PCDHGA1: variants seen among roughly 807,000 people sequenced by gnomAD.
PCDHGA1 encodes protocadherin gamma subfamily A, 1, also known as protocadherin gamma-A1.
PCDHGA1 carries 32 observed loss-of-function variants against 58.0 expected under a neutral mutation model. The observed-to-expected ratio is 0.55, with a 90% confidence interval of 0.42 to 0.74. The LOEUF is 0.74. Ranked by LOEUF, PCDHGA1 falls within the 30% of genes least tolerant of loss-of-function variation. The pLI is 0.00. For missense variants in PCDHGA1, 1,205 were observed against 1,182.3 expected, an observed-to-expected ratio of 1.02 and a Z score of -0.28; for synonymous variants, 498 against 501.1, an observed-to-expected ratio of 0.99 and a Z score of 0.08.
At chr5:141,418,065 G>T in intron 1 of PCDHGA1, 1 of 1,614,064 alleles carries the variant, frequency 6.2e-7, no homozygotes, top group East Asian at 2.2e-5. Context: ...CTGCGAGTGA[G>T]CGCGGAGAAG....
chr5:141,435,910 G>T (rs1296707748), intron 1 of PCDHGA1, among the ~76,000 whole-genome samples: 2 of 152,112 alleles, frequency 1.3e-5, no homozygotes, highest in Non-Finnish European at 2.9e-5. Flanking sequence ...ACATCCAAGG[G>T]CTCTAAAATG....
At chr5:141,372,123 A>G (rs1435565099) in intron 1 of PCDHGA1, 3 of 1,613,632 alleles carry the variant, frequency 1.9e-6, no homozygotes, top group Non-Finnish European at 2.5e-6. Context: ...GCTCTTCGAT[A>G]TGGTGCCGCG....
intron 1 of PCDHGA1, chr5:141,375,494 A>G (rs531964516): frequency 6.2e-7 from 1 of 1,613,834 alleles, no homozygotes; most frequent in Non-Finnish European, 8.5e-7. Flanking sequence ...GGGTGCCTCC[A>G]TCTTCTCTGT....
chr5:141,511,823 G>A lies in PCDHGA1; in HGVS notation c.*650G>A, dbSNP rs1490513046. On this transcript the variant is annotated 3_prime_UTR_variant, in exon 4 of 4. Transcript: ENST00000517417. ...TTTTGCTACCAAGCCTCTTCCCAACGCCCTGGGGACCAGTCTTCTGTTTTG... is the reference window on the plus strand; with the variant it reads ...TTTTGCTACCAAGCCTCTTCCCAACACCCTGGGGACCAGTCTTCTGTTTTG... 4 of 156,728 alleles carry A rather than the reference G, an allele frequency of 2.6e-5. No homozygotes were observed. The highest frequency in any genetic ancestry group is 3.2e-3 in the Middle Eastern group (1 of 316). 9.7% of individuals were successfully genotyped at this position (156,728 alleles called of 1,614,324 possible). A position where few individuals can be genotyped will look rare whatever the true frequency, so the allele number is the denominator to read the frequency against.
At chr5:141,344,795 C>T (rs200798114) in intron 1 of PCDHGA1, 27 of 1,613,818 alleles carry the variant, frequency 1.7e-5, no homozygotes, top group Non-Finnish European at 2.3e-5. Context: ...TTTGGGAGAA[C>T]GTGCCTGTGG....
intron 1 of PCDHGA1, chr5:141,433,096 C>G: frequency 3.1e-6 from 5 of 1,614,118 alleles, no homozygotes; most frequent in Non-Finnish European, 4.2e-6. Flanking sequence ...CAGACATGCT[C>G]GTCAGCCAGG....
intron 1 of PCDHGA1, chr5:141,399,025 CAAAAG>C (rs750003738): frequency 6.8e-6 from 11 of 1,613,846 alleles, no homozygotes; most frequent in Admixed American, 5.0e-5. Context: ...AATTACCACT[CAAAAG>C]AAACTGGATT....
intron 1 of PCDHGA1, chr5:141,351,857 C>T (rs763835964): frequency 1.2e-6 from 2 of 1,613,232 alleles, no homozygotes; most frequent in Non-Finnish European, 1.7e-6. Flanking sequence ...GGCCAGGGAC[C>T]AGGGCTCCCC....
At chr5:141,365,275 C>T in intron 1 of PCDHGA1, 1 of 1,613,980 alleles carries the variant, frequency 6.2e-7, no homozygotes, top group Non-Finnish European at 8.5e-7. Flanking sequence ...CCAGATTCTA[C>T]CTCATGGAAG....
intron 1 of PCDHGA1, chr5:141,375,958 G>A (rs1002329693): frequency 7.4e-6 from 12 of 1,613,460 alleles, no homozygotes; most frequent in Non-Finnish European, 1.0e-5. Context: ...ACACGGGCGA[G>A]GTGCGCACGG....
intron 1 of PCDHGA1, chr5:141,430,865 C>G: frequency 6.3e-7 from 1 of 1,595,350 alleles, no homozygotes; most frequent in Non-Finnish European, 8.5e-7. Flanking sequence ...CTATTCAGTT[C>G]CGGAAGAGCT....
chr5:141,410,252 C>A, intron 1 of PCDHGA1: 2 of 1,613,998 alleles, frequency 1.2e-6, no homozygotes. Context: ...ACTCTCTGAC[C>A]CCCAGGCTGA....
rs534823543 is a variant in PCDHGA1, at chr5:141,383,535, C to T, written c.2421+50430C>T. ...AAGAGCGGGTTCACCACCTGGTCCT[C>T]ACAGCCTCTGATGGCGGCGACCCGC... On this transcript the variant is annotated intron_variant, in intron 1 of 3. Transcript: ENST00000517417. The T allele has an allele frequency of 1.9e-5, 31 of 1,612,472 alleles. No individual in the cohort carries two copies. The African/African-American group carries it at 3.7e-4, about 19-fold the overall frequency.
intron 1 of PCDHGA1, among the ~76,000 whole-genome samples, chr5:141,482,857 A>T (rs2099573663): frequency 6.6e-6 from 1 of 152,140 alleles, no homozygotes; most frequent in Admixed American, 6.5e-5. Flanking sequence ...AGATCACTTG[A>T]GGTCAGGAGT....
chr5:141,353,397 A>G (rs1759270866), intron 1 of PCDHGA1, among the ~76,000 whole-genome samples: 1 of 152,212 alleles, frequency 6.6e-6, no homozygotes, highest in South Asian at 2.1e-4. Flanking sequence ...TATGTAATTA[A>G]TGTAATCTTC....
chr5:141,470,652 C>T (rs923672818), intron 1 of PCDHGA1, among the ~76,000 whole-genome samples: 1 of 152,100 alleles, frequency 6.6e-6, no homozygotes, highest in African/African-American at 2.4e-5. Context: ...AAGGCCCCTA[C>T]CCTTTGGTTA....
At chr5:141,398,177 T>C (rs2093620975) in intron 1 of PCDHGA1, 11 of 1,473,994 alleles carry the variant, frequency 7.5e-6, no homozygotes, top group African/African-American at 2.9e-5. Context: ...CTGCCAGTGC[T>C]CTTTCTCTTC....
rs1342481070 is a variant in PCDHGA1 at position 141,485,056 on chromosome 5, C to T, written c.2422-9751C>T. 8 of 840,338 alleles carry T rather than the reference C, an allele frequency of 9.5e-6. No homozygotes were observed. The Admixed American group carries it at 1.9e-4, about 20-fold the overall frequency. 52.1% of individuals were successfully genotyped at this position (840,338 alleles called of 1,614,324 possible). A position where few individuals can be genotyped will look rare whatever the true frequency, so the allele number is the denominator to read the frequency against. The stretch of plus-strand genomic sequence containing the variant: ...CGTAACCCTTGCGGCGCCGGCCGAA[C>T]CGCGCCAGAGCTGGCGCGGGGAAAG... On this transcript the variant is annotated intron_variant, in intron 1 of 3. Transcript: ENST00000517417. The surrounding 1 kb of genome is among the most constrained non-coding windows in gnomAD (Gnocchi z 5.7).
chr5:141,478,414 C>T, intron 1 of PCDHGA1: 1 of 1,613,630 alleles, frequency 6.2e-7, no homozygotes, highest in Non-Finnish European at 8.5e-7. Context: ...CCACGGACTC[C>T]CGCCGCAGCG....
Sources: gnomAD v4.1 joint callset for allele counts (sites outside exome capture counted in the v4.1 genomes callset) on GRCh38, gnomAD v4.1.1 for gene constraint, Gnocchi (gnomAD v3.1) non-coding constraint, MANE v1.5 for transcripts, NCBI Gene and HGNC (gene_info 2026-07-23, HGNC 2026-07-21) for gene names.